Variants in NLRC4 observed in about 807,000 individuals in gnomAD.
The protein encoded by NLRC4 is NLR family CARD domain-containing protein 4.
Under a neutral mutation model 79.9 loss-of-function variants are expected in NLRC4, and 63 were observed. That is an observed-to-expected ratio of 0.79 (90% confidence interval 0.64 to 0.97). The LOEUF (loss-of-function observed/expected upper bound fraction) is 0.97. Among genes scored for constraint, NLRC4 ranks in the 50% least tolerant of loss-of-function variants. NLRC4 has a pLI of 0.00. For missense variants in NLRC4, 1,074 were observed against 1,215.2 expected, an observed-to-expected ratio of 0.88 and a Z score of 1.73; for synonymous variants, 461 against 456.5, an observed-to-expected ratio of 1.01 and a Z score of -0.12.
At position 32,251,145 on chromosome 2, in the gene NLRC4, C is replaced by G; in HGVS notation, c.719G>C (p.Arg240Pro). 1 of 1,614,124 alleles carries G rather than the reference C, an allele frequency of 6.2e-7. No homozygotes were observed. Among genetic ancestry groups the G allele is most frequent in the Non-Finnish European group, 8.5e-7 (1 of 1,180,020 alleles). The change falls in exon 4 of 9, where the codon CGG becomes CCG. Residue 240 changes from arginine to proline, a missense_variant. By Grantham distance (103) the Arg-to-Pro change is moderately radical. Coordinates refer to ENST00000402280, the MANE Select transcript of NLRC4 (RefSeq NM_001199138.2). ...ATCAAGAAGGAAAAGAACCCTCTGC[C>G]GCAGCTTCAGCAGCATGGCCATGAA... Reference protein sequence around the residue: ...QTFMAMLLKLRQRVLFLLDGY... With the variant: ...QTFMAMLLKLPQRVLFLLDGY...
rs1331083600 is a variant in NLRC4 at position 32,250,241 on chromosome 2, A to C, written c.1623T>G (p.Thr541=). 6.2e-7 allele frequency: 1 copy of C among 1,614,142 alleles called. No homozygotes were observed. The highest frequency in any genetic ancestry group is 1.7e-5 in the Admixed American group (1 of 60,018). ...TTATGGCTTTCAGAATTTCTTGCTC[A>C]GTGGTGTTTTTCACACTTTGCAAAG... The part of the protein sequence containing the change: ...QESLQSVKNT[T]EQEILKAINI... The change falls in exon 4 of 9, where the codon ACT becomes ACG. Residue 541 remains threonine, a synonymous_variant. Transcript: ENST00000402280. The surrounding 1 kb of genome is among the most constrained non-coding windows in gnomAD (Gnocchi z 4.9).
intron 8 of NLRC4, among the ~76,000 whole-genome samples, chr2:32,233,349 A>ATATATTT (rs1418146489): frequency 1.5e-4 from 6 of 41,100 alleles, no homozygotes; most frequent in Admixed American, 3.9e-4. Context: ...ATATATATAT[A>ATATATTT]TTTTTTTTTT....
At chr2:32,231,581 G>GT (rs1553342731) in intron 8 of NLRC4, among the ~76,000 whole-genome samples, 6 of 109,714 alleles carry the variant, frequency 5.5e-5, no homozygotes, top group Admixed American at 9.4e-5. Context: ...TTGTGGGGGG[G>GT]GGGTGGGGGA....
In NLRC4 at chr2:32,254,797, T is replaced by C. The variant is rs13025958; in HGVS notation, c.1+1978A>G. Among the ~76,000 whole-genome samples the C allele has an allele frequency of 7.5e-4, 114 of 151,836 alleles. No individual in the cohort carries two copies. In the Middle Eastern group the frequency reaches 0.01, roughly 14 times the overall value. On this transcript the variant is annotated intron_variant, in intron 2 of 8. Coordinates refer to ENST00000402280, the MANE Select transcript of NLRC4 (RefSeq NM_001199138.2). ...CCACACCCAGCTAATTTTGTATTTTTAGTAGAGATGAGATTTCTCTATGTT... is the reference window on the plus strand; with the variant it reads ...CCACACCCAGCTAATTTTGTATTTTCAGTAGAGATGAGATTTCTCTATGTT...
At chr2:32,243,727 G>C (rs1358026724) in intron 4 of NLRC4, among the ~76,000 whole-genome samples, 2 of 151,416 alleles carry the variant, frequency 1.3e-5, no homozygotes, top group African/African-American at 4.9e-5. Flanking sequence ...GAACCCAGGA[G>C]GCGGCGGTTG....
intron 6 of NLRC4, among the ~76,000 whole-genome samples, chr2:32,236,558 G>T (rs1032798653): frequency 1.3e-5 from 2 of 152,134 alleles, no homozygotes; most frequent in African/African-American, 2.4e-5. Flanking sequence ...ATTGGTCCTA[G>T]GTTCTGATTA....
intron 8 of NLRC4, among the ~76,000 whole-genome samples, chr2:32,225,839 A>G (rs1264743675): frequency 6.6e-6 from 1 of 152,210 alleles, no homozygotes; most frequent in African/African-American, 2.4e-5. Context: ...AGCTCATCTT[A>G]GTCTTAGTGT....
At chr2:32,241,180 T>A in intron 4 of NLRC4, 55 bp from the exon 5 acceptor site, 1 of 1,021,634 alleles carries the variant, frequency 9.8e-7, no homozygotes, top group Non-Finnish European at 1.5e-6. Flanking sequence ...ATTTACTATG[T>A]CATTTACTAT....
At chr2:32,237,647 GT>G (rs1467383233) in intron 6 of NLRC4, among the ~76,000 whole-genome samples, 1 of 152,178 alleles carries the variant, frequency 6.6e-6, no homozygotes, top group Non-Finnish European at 1.5e-5. Flanking sequence ...TATGCAGTTA[GT>G]TTCCCCGTAG....
chr2:32,261,258 C>CTCTGCAG (rs1687338218), intron 1 of NLRC4, among the ~76,000 whole-genome samples: 1 of 148,528 alleles, frequency 6.7e-6, no homozygotes, highest in African/African-American at 2.5e-5. Context: ...TCCCCTCTCT[C>CTCTGCAG]TCTGCAGGAG....
At chr2:32,235,340 C>A in intron 8 of NLRC4, 61 bp downstream of exon 8, 1 of 1,279,822 alleles carries the variant, frequency 7.8e-7, no homozygotes, top group Non-Finnish European at 1.1e-6. Flanking sequence ...TAAGCAAAGC[C>A]AACTTAAGAA....
chr2:32,243,941 C>T (rs1421683850), intron 4 of NLRC4, among the ~76,000 whole-genome samples: 1 of 151,694 alleles, frequency 6.6e-6, no homozygotes, highest in East Asian at 2.0e-4. Context: ...TAAATTGATG[C>T]AGAAAACACA....
At chr2:32,261,527 G>T (rs1274876325) in intron 1 of NLRC4, among the ~76,000 whole-genome samples, 1 of 148,566 alleles carries the variant, frequency 6.7e-6, no homozygotes, top group African/African-American at 2.5e-5. Context: ...GGCCAGGATG[G>T]TCTCAACCTC....
intron 8 of NLRC4, among the ~76,000 whole-genome samples, chr2:32,233,788 T>C (rs1199042056): frequency 2.0e-5 from 3 of 152,162 alleles, no homozygotes; most frequent in African/African-American, 4.8e-5. Flanking sequence ...GCTCTATAAA[T>C]ATAGGTCCAT....
chr2:32,224,768 G>T lies in NLRC4; in HGVS notation c.2783-3C>A. The T allele has an allele frequency of 6.5e-7, 1 of 1,535,444 alleles. No homozygotes were observed. The highest frequency in any genetic ancestry group is 8.8e-7 in the Non-Finnish European group (1 of 1,141,000). ...AGGGTTCTTTCCAAAAAATGCACCT[G>T]GGTAAAGAAATAAGTATATTAGTTG... On this transcript the variant is annotated splice_polypyrimidine_tract_variant and splice_region_variant and intron_variant, in intron 8 of 8. Coordinates refer to ENST00000402280, the MANE Select transcript of NLRC4 (RefSeq NM_001199138.2).
intron 4 of NLRC4, among the ~76,000 whole-genome samples, chr2:32,241,980 A>G (rs1054401349): frequency 6.6e-6 from 1 of 152,160 alleles, no homozygotes; most frequent in African/African-American, 2.4e-5. Context: ...AGCAAAATAA[A>G]TGAAAGAAGA....
chr2:32,235,748 A>G (rs1431491989), intron 7 of NLRC4, among the ~76,000 whole-genome samples, 180 bp from the exon 8 acceptor site: 8 of 129,044 alleles, frequency 6.2e-5, no homozygotes, highest in Non-Finnish European at 1.3e-4. Flanking sequence ...TACAAACATT[A>G]TGCAGAAGAA....
intron 2 of NLRC4, among the ~76,000 whole-genome samples, chr2:32,254,228 T>C (rs1251125136): frequency 6.6e-6 from 1 of 152,044 alleles, no homozygotes; most frequent in Non-Finnish European, 1.5e-5. Context: ...AGAGCATTAT[T>C]TAACTTAGGA....
chr2:32,227,279 T>C (rs763072134), intron 8 of NLRC4, among the ~76,000 whole-genome samples: 9 of 152,218 alleles, frequency 5.9e-5, no homozygotes, highest in Non-Finnish European at 1.2e-4. Flanking sequence ...AATCAAGTTC[T>C]GCCTTCTGTA....
Sources: allele counts gnomAD v4.1 joint callset (sites outside exome capture counted in the v4.1 genomes callset), GRCh38; gene constraint gnomAD v4.1.1; non-coding constraint Gnocchi (gnomAD v3.1); transcripts MANE v1.5; gene names NCBI Gene and HGNC (gene_info 2026-07-23, HGNC 2026-07-21).